The following GPM6A variants were observed in gnomAD, a reference collection of about 807,000 sequenced individuals.
The protein encoded by GPM6A is neuronal membrane glycoprotein M6-a.
A neutral mutation model predicts 32.1 loss-of-function variants in GPM6A; 7 were observed. That is an observed-to-expected ratio of 0.22 (90% confidence interval 0.12 to 0.41). The LOEUF (loss-of-function observed/expected upper bound fraction) is 0.41, where lower values mean the gene tolerates loss of function less well. GPM6A is among the 10% of genes least tolerant of loss of function. GPM6A has a pLI of 1.00. For missense variants in GPM6A, 235 were observed against 347.2 expected (o/e 0.68, Z 2.57); for synonymous variants, 130 against 123.4 (o/e 1.05, Z -0.35).
At chr4:175,877,996 G>A (rs1048478890) in intron 1 of GPM6A, among the ~76,000 whole-genome samples, 2 of 152,148 alleles carry the variant, frequency 1.3e-5, no homozygotes. Flanking sequence ...GGGGCTACAG[G>A]CCCCAGCAAG....
chr4:175,898,898 C>T (rs11133119), intron 1 of GPM6A, among the ~76,000 whole-genome samples: 73,484 of 151,964 alleles, frequency 0.48, 18,306 homozygotes, highest in East Asian at 0.57. Context: ...TCTTCAACAC[C>T]ATTTGTTCAA....
chr4:175,824,580 C>A (rs1735376047), intron 1 of GPM6A, among the ~76,000 whole-genome samples: 1 of 151,982 alleles, frequency 6.6e-6, no homozygotes, highest in Non-Finnish European at 1.5e-5. Flanking sequence ...ATTTCCCCTG[C>A]CTGTCATTGT....
At position 175,783,331 on chromosome 4, in the gene GPM6A, T is replaced by C. The variant is rs570178021; in HGVS notation, c.37+28860A>G. On this transcript the variant is annotated intron_variant, in intron 1 of 6. Transcript: ENST00000393658. ...AATAATGGATAAAGGAATAGAACAA[T>C]TGTGAATTATTCATGATGTTATATT... Among the ~76,000 whole-genome samples, 4 of 152,022 alleles carry C rather than the reference T, an allele frequency of 2.6e-5. No homozygotes were observed. In the South Asian group the frequency reaches 8.3e-4, roughly 32 times the overall value.
intron 1 of GPM6A, among the ~76,000 whole-genome samples, chr4:175,880,726 C>T (rs1282764997): frequency 1.3e-5 from 2 of 152,102 alleles, no homozygotes; most frequent in Non-Finnish European, 2.9e-5. Context: ...GTGATTTTTG[C>T]ACATTGATTT....
In GPM6A at chr4:175,854,872, A is replaced by C. The variant is rs532683556; in HGVS notation, c.-22-42623T>G. Among the ~76,000 whole-genome samples the C allele has an allele frequency of 3.3e-5, 5 of 152,334 alleles. No individual in the cohort carries two copies. In the South Asian group the frequency reaches 8.3e-4, roughly 25 times the overall value. Reference sequence around the variant, plus strand: ...CCTCAAGAAAGAACCACCTGAAAGGATTAAAAGGAATAGCACCAGTTGCTC... The same window carrying C: ...CCTCAAGAAAGAACCACCTGAAAGGCTTAAAAGGAATAGCACCAGTTGCTC... On this transcript the variant is annotated intron_variant, in intron 1 of 7. Transcript: ENST00000280187.
rs1322585056 is a variant in GPM6A at position 175,905,261 on chromosome 4, G to A, written c.-22-93012C>T. Among the ~76,000 whole-genome samples the A allele has an allele frequency of 5.3e-5, 8 of 152,284 alleles. No homozygotes were observed. In the South Asian group the frequency reaches 1.7e-3, roughly 32 times the overall value. The stretch of plus-strand genomic sequence containing the variant: ...TCCTCTCAGTTGCTGTCTCTGGGCT[G>A]AGCCTAGGTCAAGCTTGTCCAATCC... On this transcript the variant is annotated intron_variant, in intron 1 of 7. Coordinates refer to the GPM6A transcript ENST00000280187.
intron 1 of GPM6A, among the ~76,000 whole-genome samples, chr4:175,968,785 G>A (rs1226434624): frequency 1.3e-5 from 2 of 152,158 alleles, no homozygotes; most frequent in Non-Finnish European, 2.9e-5. Context: ...ATCAGATGCT[G>A]GCAAGGATGT....
At chr4:175,659,249 A>AT (rs1742264372) in intron 3 of GPM6A, among the ~76,000 whole-genome samples, 1 of 151,778 alleles carries the variant, frequency 6.6e-6, no homozygotes, top group African/African-American at 2.4e-5. Context: ...CACATGGCTA[A>AT]TTTTTTGTGT....
At chr4:175,969,450 T>C (rs1030070317) in intron 1 of GPM6A, among the ~76,000 whole-genome samples, 18 of 152,180 alleles carry the variant, frequency 1.2e-4, no homozygotes, top group African/African-American at 4.3e-4. Context: ...GGCTCATGCC[T>C]GTAATCCCAG....
At chr4:175,805,208 A>T (rs17062076) in intron 1 of GPM6A, among the ~76,000 whole-genome samples, 73,256 of 151,858 alleles carry the variant, frequency 0.48, 18,057 homozygotes, top group Non-Finnish European at 0.53. Context: ...TTGAATTATT[A>T]ACTAAACTTT....
intron 1 of GPM6A, among the ~76,000 whole-genome samples, chr4:175,702,322 C>T (rs376237747): frequency 1.6e-3 from 250 of 152,174 alleles, no homozygotes; most frequent in African/African-American, 5.0e-3. Context: ...TTCTTTGTGT[C>T]GGAACATTAA....
Position 175,950,390 on chromosome 4 carries a change from A to G in GPM6A, c.-23+51919T>C, listed in dbSNP as rs1739767033. The stretch of plus-strand genomic sequence containing the variant: ...ATTCCTAAGACAAGACATTCCAAGC[A>G]CATAATATGTTCTATACAACTGGAT... On this transcript the variant is annotated intron_variant, in intron 1 of 7. Coordinates refer to the GPM6A transcript ENST00000280187. Among the ~76,000 whole-genome samples the G allele has an allele frequency of 2.0e-5, 3 of 152,330 alleles. No individual in the cohort carries two copies. The South Asian group carries it at 6.2e-4, about 32-fold the overall frequency.
chr4:176,002,138 G>GA (rs538279859), intron 1 of GPM6A, among the ~76,000 whole-genome samples: 129 of 142,888 alleles, frequency 9.0e-4, no homozygotes, highest in African/African-American at 2.9e-3. Context: ...CTCTCTCCCA[G>GA]AAAAAAAAGT....
intron 1 of GPM6A, among the ~76,000 whole-genome samples, chr4:175,917,374 G>A (rs1738526369): frequency 6.6e-6 from 1 of 152,100 alleles, no homozygotes; most frequent in African/African-American, 2.4e-5. Flanking sequence ...TGCATTGAAG[G>A]ACCCTGCTAC....
intron 1 of GPM6A, among the ~76,000 whole-genome samples, chr4:175,984,023 T>TCA (rs138248018): frequency 0.2 from 30,132 of 150,142 alleles, 3,696 homozygotes; most frequent in African/African-American, 0.35. Context: ...TCTCTCTCTG[T>TCA]CACACACACA....
chr4:175,949,815 A>G (rs747715483), intron 1 of GPM6A, among the ~76,000 whole-genome samples: 1 of 152,198 alleles, frequency 6.6e-6, no homozygotes, highest in African/African-American at 2.4e-5. Flanking sequence ...AATAGATGGT[A>G]TTGTCAACAG....
At chr4:175,767,209 T>C (rs983329253) in intron 1 of GPM6A, among the ~76,000 whole-genome samples, 2 of 152,164 alleles carry the variant, frequency 1.3e-5, no homozygotes, top group Non-Finnish European at 2.9e-5. Flanking sequence ...ACTATTCTTT[T>C]CAAAGAAGTT....
intron 1 of GPM6A, among the ~76,000 whole-genome samples, chr4:175,918,000 C>A (rs1738548473): frequency 6.6e-6 from 1 of 151,998 alleles, no homozygotes; most frequent in African/African-American, 2.4e-5. Context: ...GAAATAGCTG[C>A]TTTAGTGATA....
chr4:175,957,323 A>T (rs1045605985), intron 1 of GPM6A, among the ~76,000 whole-genome samples: 2 of 152,220 alleles, frequency 1.3e-5, no homozygotes, highest in Non-Finnish European at 2.9e-5. Flanking sequence ...ATATACGACA[A>T]GGGTACCTGC....
Sources: gnomAD v4.1 joint callset for allele counts (sites outside exome capture counted in the v4.1 genomes callset) on GRCh38, gnomAD v4.1.1 for gene constraint, MANE v1.5 for transcripts, NCBI Gene and HGNC (gene_info 2026-07-23, HGNC 2026-07-21) for gene names.